The following SATB2 variants were observed in gnomAD, a reference collection of about 807,000 sequenced individuals.
The protein encoded by SATB2 is DNA-binding protein SATB2.
SATB2 carries 1 observed loss-of-function variant against 73.4 expected under a neutral mutation model. The observed-to-expected ratio is 0.01, with a 90% confidence interval of 0.00 to 0.06. The LOEUF (loss-of-function observed/expected upper bound fraction) is 0.06, where lower values mean the gene tolerates loss of function less well. SATB2 is among the 10% of genes least tolerant of loss of function. The pLI, the probability that SATB2 is intolerant of heterozygous loss-of-function variation, is 1.00. For synonymous variants in SATB2, 397 were observed against 367.0 expected (o/e 1.08, Z -0.93); for missense variants, 459 against 945.8 (o/e 0.49, Z 6.75).
At chr2:199,340,975 C>T (rs200060665) in intron 7 of SATB2, among the ~76,000 whole-genome samples, 1 of 32,558 alleles carries the variant, frequency 3.1e-5, no homozygotes. Context: ...AATAGTTTAT[C>T]TATTAAGGAA....
chr2:199,470,391 A>T (rs1430051529), intron 1 of SATB2: 1 of 152,110 alleles, frequency 6.6e-6, no homozygotes, highest in Non-Finnish European at 1.5e-5. Context: ...GCTGCTCCGA[A>T]GCTGGAGGGT....
At chr2:199,398,859 C>T (rs897859380) in intron 3 of SATB2, among the ~76,000 whole-genome samples, 5 of 152,298 alleles carry the variant, frequency 3.3e-5, no homozygotes, top group South Asian at 2.1e-4. Context: ...ATGAAGACTA[C>T]TATTTTTTCT....
At chr2:199,434,988 C>T (rs1376030716) in intron 2 of SATB2, among the ~76,000 whole-genome samples, 5 of 151,968 alleles carry the variant, frequency 3.3e-5, no homozygotes, top group African/African-American at 1.2e-4. Context: ...AATAATAATA[C>T]TCATTAAGAA....
intron 7 of SATB2, chr2:199,348,476 G>T: frequency 1.8e-6 from 1 of 553,070 alleles, no homozygotes; most frequent in South Asian, 2.0e-5. Context: ...TTGCATGTTG[G>T]GTTCAAAGAT....
chr2:199,303,613 C>G (rs1171106773), intron 10 of SATB2, among the ~76,000 whole-genome samples: 1 of 152,166 alleles, frequency 6.6e-6, no homozygotes, highest in Non-Finnish European at 1.5e-5. Flanking sequence ...TCTCTGACCT[C>G]TATCCACTAG....
In SATB2 at chr2:199,463,389, T is replaced by G. The variant is rs1201707960; in HGVS notation, c.-141+1447A>C. On this transcript the variant is annotated intron_variant, in intron 1 of 11. Transcript: ENST00000260926. The surrounding 1 kb of genome is among the most constrained non-coding windows in gnomAD (Gnocchi z 6.4). ...GAGCTGCCGGGGTTGGGGCCCCGGG[T>G]GGCGCTCCCGACCCGCCGCGTTTTC... Among the ~76,000 whole-genome samples the G allele has an allele frequency of 6.6e-6, 1 of 152,074 alleles. No homozygotes were observed. The highest frequency in any genetic ancestry group is 2.4e-5 in the African/African-American group (1 of 41,420).
intron 10 of SATB2, among the ~76,000 whole-genome samples, chr2:199,274,795 A>G (rs1692260318): frequency 6.9e-6 from 1 of 143,974 alleles, no homozygotes; most frequent in African/African-American, 2.6e-5. Context: ...TTACTTTAGC[A>G]TCCTAATTAT....
rs1030589396 is a variant in SATB2 at position 199,363,187 on chromosome 2, T to C, written c.700+5418A>G. On this transcript the variant is annotated intron_variant, in intron 6 of 10. Transcript: ENST00000417098. ...ACTTAAACTACCAATAAGCTTTCCA[T>C]TGGAGGGCCAAGCAAGCATAGGTGA... Among the ~76,000 whole-genome samples, 18 of 152,150 alleles carry C rather than the reference T, an allele frequency of 1.2e-4. No individual in the cohort carries two copies. The East Asian group carries it at 2.7e-3, about 23-fold the overall frequency.
In SATB2 at chr2:199,464,861, C is replaced by T. The variant is rs1231966731; in HGVS notation, c.-166G>A. ...CTCGGCTCGCTGCGCCCGCCTTCGCCCCAAGTGCCCAGGACGGAGCGAGGG... is the reference window on the plus strand; with the variant it reads ...CTCGGCTCGCTGCGCCCGCCTTCGCTCCAAGTGCCCAGGACGGAGCGAGGG... On this transcript the variant is annotated 5_prime_UTR_variant, in exon 1 of 12. Coordinates refer to the SATB2 transcript ENST00000260926. The surrounding 1 kb of genome is among the most constrained non-coding windows in gnomAD (Gnocchi z 6.6). 1 of 152,372 alleles carries T rather than the reference C, an allele frequency of 6.6e-6. No individual in the cohort carries two copies. The highest frequency in any genetic ancestry group is 1.5e-5 in the Non-Finnish European group (1 of 68,178). The allele number at this position is 152,372 out of a possible 1,614,324, so 9.4% of individuals were successfully genotyped here.
At chr2:199,336,223 A>C (rs1237643234) in intron 7 of SATB2, among the ~76,000 whole-genome samples, 1 of 152,190 alleles carries the variant, frequency 6.6e-6, no homozygotes, top group African/African-American at 2.4e-5. Context: ...CCAAAAAGTG[A>C]AAGCAAACAG....
chr2:199,421,033 T>C (rs1339774342), intron 3 of SATB2, among the ~76,000 whole-genome samples: 1 of 152,122 alleles, frequency 6.6e-6, no homozygotes, highest in East Asian at 1.9e-4. Flanking sequence ...ACTACCAACA[T>C]ACTCACATAG....
At chr2:199,381,643 T>C in intron 4 of SATB2, 51 bp downstream of exon 4, 2 of 1,610,762 alleles carry the variant, frequency 1.2e-6, no homozygotes, top group Non-Finnish European at 1.7e-6. Context: ...AATCTATGAT[T>C]GACGGAGCAG....
intron 10 of SATB2, among the ~76,000 whole-genome samples, chr2:199,303,719 T>C (rs1687349486): frequency 6.6e-6 from 1 of 152,166 alleles, no homozygotes; most frequent in Admixed American, 6.5e-5. Context: ...TTGAGAATCA[T>C]TGGTTGCTAC....
chr2:199,341,225 A>G (rs940255242), intron 7 of SATB2, among the ~76,000 whole-genome samples: 6 of 152,212 alleles, frequency 3.9e-5, no homozygotes, highest in African/African-American at 1.4e-4. Context: ...GTCAAGCAAC[A>G]TATTTCATGT....
chr2:199,430,562 C>T (rs1559050352), intron 3 of SATB2, among the ~76,000 whole-genome samples: 1 of 152,188 alleles, frequency 6.6e-6, no homozygotes, highest in East Asian at 1.9e-4. Flanking sequence ...GTATCTTTTA[C>T]ACTATTCTCT....
At chr2:199,389,977 T>C (rs1690082401) in intron 3 of SATB2, among the ~76,000 whole-genome samples, 1 of 152,136 alleles carries the variant, frequency 6.6e-6, no homozygotes, top group Admixed American at 6.6e-5. Context: ...TTTTGTCTAA[T>C]GTAATAGATG....
At chr2:199,443,069 T>C (rs1362573806) in intron 2 of SATB2, among the ~76,000 whole-genome samples, 1 of 145,698 alleles carries the variant, frequency 6.9e-6, no homozygotes, top group Admixed American at 7.2e-5. Context: ...TCGAAAATAG[T>C]ATTTAAGCAG....
At chr2:199,316,066 C>CA (rs1431168982) in intron 9 of SATB2, among the ~76,000 whole-genome samples, 1 of 152,056 alleles carries the variant, frequency 6.6e-6, no homozygotes, top group African/African-American at 2.4e-5. Flanking sequence ...CTGAGTATCT[C>CA]AAAAGGAAAC....
chr2:199,424,498 T>C (rs1425224673), intron 3 of SATB2, among the ~76,000 whole-genome samples: 2 of 152,122 alleles, frequency 1.3e-5, no homozygotes, highest in Admixed American at 6.5e-5. Context: ...CACTTAATAC[T>C]ACAGAAATAA....
Sources: allele counts gnomAD v4.1 joint callset (sites outside exome capture counted in the v4.1 genomes callset), GRCh38; gene constraint gnomAD v4.1.1; non-coding constraint Gnocchi (gnomAD v3.1); transcripts MANE v1.5; gene names NCBI Gene and HGNC (gene_info 2026-07-23, HGNC 2026-07-21).